The following APC variants were observed in gnomAD, a reference collection of about 807,000 sequenced individuals.
APC encodes the protein APC regulator of Wnt signaling pathway.
In APC, 72 loss-of-function variants were observed where a neutral mutation model predicts 247.0. That is an observed-to-expected ratio of 0.29 (90% confidence interval 0.24 to 0.35). APC has a LOEUF of 0.35. Ranked by LOEUF, APC falls within the 10% of genes least tolerant of loss-of-function variation. The pLI is 1.00. For synonymous variants in APC, 1,254 were observed against 1,162.5 expected (o/e 1.08, Z -1.60); for missense variants, 3,400 against 3,360.7 (o/e 1.01, Z -0.29).
intron 14 of APC, among the ~76,000 whole-genome samples, chr5:112,831,562 A>G (rs1331996102): frequency 6.6e-6 from 1 of 151,922 alleles, no homozygotes; most frequent in Non-Finnish European, 1.5e-5. Flanking sequence ...ATTCAATATC[A>G]ATTCCCTCTC....
rs759441332 is a variant in APC at position 112,840,557 on chromosome 5, A to G, written c.4963A>G (p.Thr1655Ala). The G allele has an allele frequency of 1.1e-4, 171 of 1,614,024 alleles. No individual in the cohort carries two copies. Among genetic ancestry groups the G allele is most frequent in the Non-Finnish European group, 1.4e-4 (162 of 1,179,996 alleles). The change falls in exon 16 of 16, where the codon ACA becomes GCA. Residue 1655 changes from threonine to alanine, a missense_variant. By Grantham distance (58) the Thr-to-Ala change is moderately conservative. Transcript: ENST00000257430. This position sits in a 1 kb window ranked among gnomAD's most constrained non-coding sequence, Gnocchi z 4.1. Reference sequence around the variant, plus strand: ...GACACCTATAAACTTTTCCACAGCTACATCTCTAAGTGATCTAACAATCGA... The same window carrying G: ...GACACCTATAAACTTTTCCACAGCTGCATCTCTAAGTGATCTAACAATCGA... Reference protein sequence around the residue: ...EGTPINFSTATSLSDLTIESP... With the variant: ...EGTPINFSTAASLSDLTIESP...
At chr5:112,741,989 G>T (rs1753091292) in intron 1 of APC, among the ~76,000 whole-genome samples, 1 of 152,122 alleles carries the variant, frequency 6.6e-6, no homozygotes, top group Non-Finnish European at 1.5e-5. Context: ...ATGTTCCATT[G>T]CATGTATATG....
chr5:112,843,560 G>A lies in APC; in HGVS notation c.7966G>A (p.Asp2656Asn), dbSNP rs1554088797. Residue 2656 changes from aspartate to asparagine, a missense_variant, in exon 16 of 16, where the codon GAT (aspartate) becomes AAT (asparagine). By Grantham distance (23) the Asp-to-Asn change is conservative. Around this residue, in one of 9 missense-constraint regions of APC, gnomAD observed 1,788 missense variants for 1,649.5 expected, o/e 1.08. Coordinates refer to ENST00000257430, the MANE Select transcript of APC (RefSeq NM_000038.6). This position sits in a 1 kb window ranked among gnomAD's most constrained non-coding sequence, Gnocchi z 4.8. Reference protein sequence around the residue: ...QMAPAVSKTEDVWVRIEDCPI... With the variant: ...QMAPAVSKTENVWVRIEDCPI... ...GGCACCTGCTGTTTCTAAAACAGAG[G>A]ATGTTTGGGTGAGAATTGAGGACTG... is the stretch of plus-strand genomic sequence containing the variant. 6.2e-7 allele frequency: 1 copy of A among 1,613,944 alleles called. No homozygotes were observed. Among genetic ancestry groups the A allele is most frequent in the South Asian group, 1.1e-5 (1 of 91,070 alleles).
intron 8 of APC, 91 bp downstream of exon 8, chr5:112,801,474 T>TA (rs1242824055): frequency 1.0e-6 from 1 of 994,386 alleles, no homozygotes; most frequent in South Asian, 1.5e-5. Context: ...CTATAAATCT[T>TA]ACCTATTTTC....
At chr5:112,715,306 A>T (rs1178579483) in intron 1 of APC, among the ~76,000 whole-genome samples, 1 of 152,240 alleles carries the variant, frequency 6.6e-6, no homozygotes, top group Non-Finnish European at 1.5e-5. Context: ...AGTGGGGGAC[A>T]TAGTCAATAA....
At position 112,840,954 on chromosome 5, in the gene APC, C is replaced by T. The variant is rs1373471882; in HGVS notation, c.5360C>T (p.Thr1787Ile). ...KPIPQNTEYR[T>I]RVRKNADSKN... is the part of the protein sequence containing the mutation. ...ATACCACAAAATACTGAATATAGGA[C>T]ACGTGTAAGAAAAAATGCAGACTCA... The change falls in exon 16 of 16, where the codon ACA becomes ATA. Residue 1787 changes from threonine to isoleucine, a missense_variant. Thr to Ile is a moderately conservative substitution (Grantham distance 89). Coordinates refer to ENST00000257430, the MANE Select transcript of APC (RefSeq NM_000038.6). The surrounding 1 kb of genome is among the most constrained non-coding windows in gnomAD (Gnocchi z 4.1). 1 of 1,613,068 alleles carries T rather than the reference C, an allele frequency of 6.2e-7. No individual in the cohort carries two copies. The highest frequency in any genetic ancestry group is 1.1e-5 in the South Asian group (1 of 90,992).
rs1554083127 is a variant in APC at position 112,834,983 on chromosome 5, A to G, written c.1776A>G (p.Leu592=). ...CCCTCAAAAGCGTATTGAGTGCCTT[A>G]TGGAATTTGTCAGCACATTGCACTG... ...ESTLKSVLSA[L]WNLSAHCTEN... is the part of the protein sequence containing the mutation. The change falls in exon 15 of 16, where the codon TTA becomes TTG. Residue 592 remains leucine (L), a synonymous_variant. Coordinates refer to ENST00000257430, the MANE Select transcript of APC (RefSeq NM_000038.6). The G allele has an allele frequency of 1.2e-6, 2 of 1,614,052 alleles. No homozygotes were observed. Among genetic ancestry groups the G allele is most frequent in the African/African-American group, 1.3e-5 (1 of 75,026 alleles).
At chr5:112,762,312 T>G (rs1353067215) in intron 2 of APC, among the ~76,000 whole-genome samples, 1 of 152,166 alleles carries the variant, frequency 6.6e-6, no homozygotes, top group Non-Finnish European at 1.5e-5. Flanking sequence ...AATTAAACCC[T>G]ATGACTCAGT....
At chr5:112,738,446 A>G (rs1041035012) in intron 1 of APC, 5 of 985,856 alleles carry the variant, frequency 5.1e-6, no homozygotes, top group Non-Finnish European at 6.0e-6. Flanking sequence ...GGATGAGAGA[A>G]AGAGGAGGAG....
chr5:112,724,987 A>AT (rs1303818967), intron 1 of APC, among the ~76,000 whole-genome samples: 1 of 151,476 alleles, frequency 6.6e-6, no homozygotes, highest in Non-Finnish European at 1.5e-5. Context: ...TTTTTATTTT[A>AT]TTTTTTTTTA....
At chr5:112,799,080 G>A (rs192554735) in intron 7 of APC, among the ~76,000 whole-genome samples, 9 of 150,972 alleles carry the variant, frequency 6.0e-5, no homozygotes, top group African/African-American at 1.7e-4. Flanking sequence ...ATGGTGGTGG[G>A]CGCCTGTAAT....
chr5:112,801,028 C>T (rs1760756260), intron 7 of APC, among the ~76,000 whole-genome samples: 1 of 152,048 alleles, frequency 6.6e-6, no homozygotes, highest in Admixed American at 6.6e-5. Context: ...GGATGGCATT[C>T]CTGTGAGTCT....
chr5:112,776,233 C>T (rs1490783441), intron 5 of APC, among the ~76,000 whole-genome samples: 1 of 152,162 alleles, frequency 6.6e-6, no homozygotes, highest in African/African-American at 2.4e-5. Context: ...CACCAGTATT[C>T]ACAATAAATT....
chr5:112,760,198 G>A (rs943583852), intron 2 of APC, among the ~76,000 whole-genome samples: 1 of 152,094 alleles, frequency 6.6e-6, no homozygotes, highest in African/African-American at 2.4e-5. Flanking sequence ...CTTTCTGCAG[G>A]ACTAGGTATG....
chr5:112,783,464 C>A (rs1758576607), intron 6 of APC, among the ~76,000 whole-genome samples: 1 of 151,298 alleles, frequency 6.6e-6, no homozygotes, highest in East Asian at 1.9e-4. Context: ...ATTTAATATC[C>A]CTACTCTACA....
chr5:112,791,568 A>C (rs1308026744), intron 6 of APC, among the ~76,000 whole-genome samples: 1 of 152,112 alleles, frequency 6.6e-6, no homozygotes, highest in East Asian at 1.9e-4. Context: ...ATGCCTGAGG[A>C]CCTGAGGTGG....
rs1335034117 is a variant in APC at position 112,841,158 on chromosome 5, G to A, written c.5564G>A (p.Cys1855Tyr). Residue 1855 changes from cysteine to tyrosine, a missense_variant, in exon 16 of 16, where the codon TGT (cysteine) becomes TAT (tyrosine). Physicochemically the swap from Cys to Tyr is radical, Grantham distance 194. Transcript: ENST00000257430. The surrounding 1 kb of genome is among the most constrained non-coding windows in gnomAD (Gnocchi z 4.6). ...ACGCCTATTGAAGGAACTCCTTACT[G>A]TTTTTCACGAAATGATTCTTTGAGT... is the stretch of plus-strand genomic sequence containing the variant. ...HYTPIEGTPY[C>Y]FSRNDSLSSL... is the part of the protein sequence containing the mutation. 6.2e-7 allele frequency: 1 copy of A among 1,613,816 alleles called. No individual in the cohort carries two copies.
intron 4 of APC, 86 bp from the exon 5 acceptor site, chr5:112,775,543 G>A (rs1424828651): frequency 2.6e-6 from 2 of 766,568 alleles, no homozygotes; most frequent in Non-Finnish European, 4.4e-6. Context: ...AGAGAAGTTT[G>A]CAATAACAAC....
chr5:112,779,951 A>G (rs1295392273), intron 5 of APC, among the ~76,000 whole-genome samples: 1 of 152,200 alleles, frequency 6.6e-6, no homozygotes, highest in Non-Finnish European at 1.5e-5. Flanking sequence ...TTCTAAGGGC[A>G]CACAGAAAAT....
Sources: allele counts gnomAD v4.1 joint callset (sites outside exome capture counted in the v4.1 genomes callset), GRCh38; gene constraint gnomAD v4.1.1; regional missense constraint gnomAD v4.1.1; non-coding constraint Gnocchi (gnomAD v3.1); transcripts MANE v1.5; gene names NCBI Gene and HGNC (gene_info 2026-07-23, HGNC 2026-07-21).